OSBPL8: variants seen among roughly 807,000 people sequenced by gnomAD.
OSBPL8 encodes the protein oxysterol binding protein like 8, also known as oxysterol-binding protein-related protein 8.
Under a neutral mutation model 125.5 loss-of-function variants are expected in OSBPL8, and 59 were observed. The observed-to-expected ratio is 0.47, with a 90% CI of 0.38 to 0.58. The LOEUF is 0.58. OSBPL8 is among the 20% of genes least tolerant of loss of function. The probability of loss-of-function intolerance (pLI) is 0.00; values close to 1 mark genes in which losing one functional copy is unlikely to be tolerated. For missense variants in OSBPL8, 758 were observed against 1,047.8 expected, an observed-to-expected ratio of 0.72 and a Z score of 3.82; for synonymous variants, 330 against 338.9, an observed-to-expected ratio of 0.97 and a Z score of 0.29.
intron 3 of OSBPL8, among the ~76,000 whole-genome samples, chr12:76,458,273 C>G (rs1874303360): frequency 6.6e-6 from 1 of 151,428 alleles, no homozygotes; most frequent in Non-Finnish European, 1.5e-5. Context: ...AACCCTGTCT[C>G]AAGAAAATCA....
chr12:76,450,017 G>T (rs1434382445), intron 4 of OSBPL8, among the ~76,000 whole-genome samples: 1 of 152,044 alleles, frequency 6.6e-6, no homozygotes, highest in African/African-American at 2.4e-5. Flanking sequence ...ACTTCAATCG[G>T]ATCATCACAT....
chr12:76,402,859 AT>A, intron 5 of OSBPL8, 93 bp from the exon 6 acceptor site: 1 of 810,632 alleles, frequency 1.2e-6, no homozygotes, highest in East Asian at 2.7e-5. Context: ...CATTTTTCTC[AT>A]TTATTGCTAT....
At chr12:76,373,305 T>A in intron 18 of OSBPL8, 39 bp downstream of exon 18, 1 of 1,288,340 alleles carries the variant, frequency 7.8e-7, no homozygotes, top group Non-Finnish European at 1.1e-6. Flanking sequence ...TCCCACAGAA[T>A]AAAATTCTTT....
chr12:76,385,116 A>G (rs1044395882), intron 14 of OSBPL8, among the ~76,000 whole-genome samples: 5 of 152,310 alleles, frequency 3.3e-5, no homozygotes, highest in African/African-American at 1.2e-4. Context: ...ACAAACTAAA[A>G]TCAGCATTTC....
intron 1 of OSBPL8, among the ~76,000 whole-genome samples, chr12:76,554,301 G>C (rs563612515): frequency 1.6e-4 from 24 of 152,252 alleles, no homozygotes; most frequent in Admixed American, 1.3e-3. Flanking sequence ...TTTTGTAAAT[G>C]ACACAACTAA....
At chr12:76,534,476 A>G (rs932516525) in intron 1 of OSBPL8, among the ~76,000 whole-genome samples, 1 of 152,176 alleles carries the variant, frequency 6.6e-6, no homozygotes, top group Non-Finnish European at 1.5e-5. Flanking sequence ...CTTACTACCA[A>G]TAACGGGCTA....
intron 21 of OSBPL8, among the ~76,000 whole-genome samples, chr12:76,367,283 C>T (rs1952458080): frequency 6.7e-6 from 1 of 150,328 alleles, no homozygotes; most frequent in Admixed American, 6.7e-5. Context: ...TATCAATACG[C>T]CATGTTCTTT....
At chr12:76,393,600 A>G (rs1288265567) in intron 9 of OSBPL8, among the ~76,000 whole-genome samples, 1 of 149,274 alleles carries the variant, frequency 6.7e-6, no homozygotes, top group East Asian at 2.0e-4. Context: ...AGTCCCAGCC[A>G]CTCGGGAGAC....
intron 4 of OSBPL8, among the ~76,000 whole-genome samples, chr12:76,445,761 C>T (rs1009637815): frequency 4.0e-4 from 61 of 152,250 alleles, no homozygotes; most frequent in Middle Eastern, 3.4e-3. Context: ...AATGTAAGAA[C>T]GGTCCAACTA....
intron 2 of OSBPL8, among the ~76,000 whole-genome samples, chr12:76,478,601 C>A (rs1309634910): frequency 6.6e-6 from 1 of 151,670 alleles, no homozygotes. Flanking sequence ...ATTACTCAAG[C>A]CTCTAACAAG....
At chr12:76,364,740 AC>A (rs1336643728) in intron 21 of OSBPL8, among the ~76,000 whole-genome samples, 1 of 152,238 alleles carries the variant, frequency 6.6e-6, no homozygotes, top group Non-Finnish European at 1.5e-5. Context: ...GCCTGTTCTT[AC>A]ATAAGTACCA....
rs1397561788 is a variant in OSBPL8 at position 76,355,008 on chromosome 12, CAT to C, written c.*879_*880del. The C allele has an allele frequency of 6.6e-6, 1 of 152,250 alleles. No individual in the cohort carries two copies. Among genetic ancestry groups the C allele is most frequent in the Admixed American group, 6.6e-5 (1 of 15,258 alleles). 9.4% of individuals were successfully genotyped at this position (152,250 alleles called of 1,614,324 possible). A position where few individuals can be genotyped will look rare whatever the true frequency, so the allele number is the denominator to read the frequency against. On this transcript the variant is annotated 3_prime_UTR_variant, in exon 24 of 24. Coordinates refer to ENST00000261183, the MANE Select transcript of OSBPL8 (RefSeq NM_020841.5). Reference sequence around the variant, plus strand: ...AAAATAAGTTTTCATAATGAAAAAACATAAATTATCAGCACTTCAAATGCTCT... The same window carrying C: ...AAAATAAGTTTTCATAATGAAAAAACAAATTATCAGCACTTCAAATGCTCT...
chr12:76,438,418 C>T (rs1387448233), intron 4 of OSBPL8, among the ~76,000 whole-genome samples: 1 of 152,002 alleles, frequency 6.6e-6, no homozygotes, highest in Non-Finnish European at 1.5e-5. Flanking sequence ...ATTCTCCCAC[C>T]TTAGCCTCCC....
At chr12:76,539,690 C>A (rs1950591958) in intron 1 of OSBPL8, among the ~76,000 whole-genome samples, 1 of 152,212 alleles carries the variant, frequency 6.6e-6, no homozygotes, top group African/African-American at 2.4e-5. Flanking sequence ...CAAATAATCT[C>A]ACGATAAAAA....
intron 10 of OSBPL8, among the ~76,000 whole-genome samples, chr12:76,391,447 A>G (rs1953552915): frequency 6.6e-6 from 1 of 152,158 alleles, no homozygotes; most frequent in Admixed American, 6.5e-5. Flanking sequence ...GGCACCAGGT[A>G]CTTGGGATTA....
intron 4 of OSBPL8, among the ~76,000 whole-genome samples, chr12:76,444,919 T>TA (rs1872579644): frequency 6.6e-6 from 1 of 152,222 alleles, no homozygotes; most frequent in African/African-American, 2.4e-5. Flanking sequence ...TTAGTTTTTT[T>TA]ATAGTTAAAA....
chr12:76,361,640 A>G (rs752018646), intron 21 of OSBPL8, among the ~76,000 whole-genome samples: 3 of 152,226 alleles, frequency 2.0e-5, no homozygotes, highest in South Asian at 2.1e-4. Flanking sequence ...TCAGTTCCAC[A>G]TGACTTGGGA....
chr12:76,459,932 A>G, intron 2 of OSBPL8, 37 bp from the exon 3 acceptor site: 3 of 1,610,846 alleles, frequency 1.9e-6, no homozygotes, highest in Non-Finnish European at 1.7e-6. Context: ...AAACAAATAC[A>G]GTCCAAATCA....
chr12:76,551,424 C>T (rs1950934727), intron 1 of OSBPL8, among the ~76,000 whole-genome samples: 1 of 152,122 alleles, frequency 6.6e-6, no homozygotes, highest in African/African-American at 2.4e-5. Context: ...AGGGATGGTG[C>T]TATACATTCT....
Sources: allele counts gnomAD v4.1 joint callset (sites outside exome capture counted in the v4.1 genomes callset), GRCh38; gene constraint gnomAD v4.1.1; transcripts MANE v1.5; gene names NCBI Gene and HGNC (gene_info 2026-07-23, HGNC 2026-07-21).